The following TRPM3 variants were observed in gnomAD, a reference collection of about 807,000 sequenced individuals.
TRPM3 encodes the protein transient receptor potential cation channel subfamily M member 3, also known as long transient receptor potential channel 3.
A neutral mutation model predicts 181.2 loss-of-function variants in TRPM3; 77 were observed. The ratio of observed to expected loss-of-function variants is 0.42; its 90% CI spans 0.35 to 0.51. TRPM3 has a LOEUF of 0.51. Ranked by LOEUF, TRPM3 falls within the 20% of genes least tolerant of loss-of-function variation. The probability of loss-of-function intolerance (pLI) is 0.01; values close to 1 mark genes in which losing one functional copy is unlikely to be tolerated. For synonymous variants in TRPM3, 745 were observed against 796.4 expected (o/e 0.94, Z 1.09); for missense variants, 1,759 against 2,196.7 (o/e 0.80, Z 3.98).
intron 1 of TRPM3, among the ~76,000 whole-genome samples, chr9:71,410,403 C>A (rs2131445993): frequency 6.6e-6 from 1 of 152,116 alleles, no homozygotes; most frequent in East Asian, 1.9e-4. Flanking sequence ...CAAATAGACA[C>A]AATAAAAAAT....
intron 1 of TRPM3, among the ~76,000 whole-genome samples, chr9:71,015,829 T>C (rs2097779769): frequency 6.6e-6 from 1 of 152,164 alleles, no homozygotes; most frequent in Non-Finnish European, 1.5e-5. Flanking sequence ...TGTGTCACAC[T>C]GAGGATCAGG....
At chr9:70,790,351 T>A (rs185980888) in intron 6 of TRPM3, among the ~76,000 whole-genome samples, 7 of 152,312 alleles carry the variant, frequency 4.6e-5, no homozygotes, top group East Asian at 3.9e-4. Context: ...AAGTGAGAGA[T>A]AACTTCCTGA....
chr9:71,035,627 G>A (rs1472437847), intron 1 of TRPM3, among the ~76,000 whole-genome samples: 1 of 152,154 alleles, frequency 6.6e-6, no homozygotes, highest in South Asian at 2.1e-4. Context: ...TGAGGCATGA[G>A]AATCTCTTGA....
chr9:71,273,200 A>G (rs1171484423), intron 1 of TRPM3, among the ~76,000 whole-genome samples: 1 of 152,180 alleles, frequency 6.6e-6, no homozygotes, highest in African/African-American at 2.4e-5. Flanking sequence ...ACCATTTGGC[A>G]TGACCAGAAT....
rs2041724443 is a variant in TRPM3 at position 70,536,281 on chromosome 9, T to A, written c.4832A>T (p.Glu1611Val). 1 of 1,614,068 alleles carries A rather than the reference T, an allele frequency of 6.2e-7. No individual in the cohort carries two copies. ...ELSHPSSDSE[E>V]NEAKGRRATI... ...GGCTCTGCGGCCTTTGGCCTCATTC[T>A]CCTCACTGTCAGAGCTGGGGTGACT... is the stretch of plus-strand genomic sequence containing the variant. The change falls in exon 26 of 26, where the codon GAG (glutamate) becomes GTG (valine). Residue 1611 changes from glutamate to valine, a missense_variant. Glu to Val is a moderately radical substitution (Grantham distance 121). This residue lies in a region of TRPM3 where 612 missense variants were observed against 590.0 expected (regional missense o/e 1.04). Coordinates refer to ENST00000677713, the MANE Select transcript of TRPM3 (RefSeq NM_001366145.2).
At chr9:71,160,964 T>A (rs1011671215) in intron 1 of TRPM3, among the ~76,000 whole-genome samples, 1 of 152,162 alleles carries the variant, frequency 6.6e-6, no homozygotes, top group African/African-American at 2.4e-5. Flanking sequence ...CCCAATTCAA[T>A]GTAAATCAAT....
chr9:71,102,915 G>A (rs549630158), intron 1 of TRPM3, among the ~76,000 whole-genome samples: 4 of 152,154 alleles, frequency 2.6e-5, no homozygotes, highest in African/African-American at 9.6e-5. Context: ...GGATTGAATT[G>A]ATTTCTAGTT....
chr9:70,846,263 C>G, intron 4 of TRPM3, 115 bp downstream of exon 4: 1 of 950,066 alleles, frequency 1.1e-6, no homozygotes, highest in Non-Finnish European at 1.7e-6. Flanking sequence ...AACTATGGAC[C>G]CATGGGTAGG....
intron 1 of TRPM3, among the ~76,000 whole-genome samples, chr9:70,878,636 G>C (rs1176545654): frequency 6.6e-6 from 1 of 152,026 alleles, no homozygotes; most frequent in Non-Finnish European, 1.5e-5. Context: ...TATGCACATG[G>C]ATTTTGTGGC....
chr9:71,386,417 C>A (rs912019741), intron 1 of TRPM3, among the ~76,000 whole-genome samples: 14 of 151,196 alleles, frequency 9.3e-5, no homozygotes, highest in African/African-American at 3.2e-4. Flanking sequence ...CTACTGCACT[C>A]CAGCCTGGGG....
intron 1 of TRPM3, among the ~76,000 whole-genome samples, chr9:71,013,910 A>C (rs1564973718): frequency 6.6e-6 from 1 of 151,556 alleles, no homozygotes; most frequent in Non-Finnish European, 1.5e-5. Flanking sequence ...CTACTGTTCT[A>C]TTTTCTGCCA....
At chr9:71,292,963 T>C (rs985221846) in intron 1 of TRPM3, among the ~76,000 whole-genome samples, 4 of 152,086 alleles carry the variant, frequency 2.6e-5, no homozygotes, top group East Asian at 1.9e-4. Flanking sequence ...CGAAATTGTG[T>C]TTATCTCAAG....
intron 1 of TRPM3, among the ~76,000 whole-genome samples, chr9:71,442,892 T>TAA (rs1437864850): frequency 6.6e-6 from 1 of 152,132 alleles, no homozygotes; most frequent in African/African-American, 2.4e-5. Context: ...ACAAGAACAA[T>TAA]AATTCACAAA....
chr9:71,093,762 A>G (rs1204121240), intron 1 of TRPM3, among the ~76,000 whole-genome samples: 2 of 152,174 alleles, frequency 1.3e-5, no homozygotes, highest in African/African-American at 2.4e-5. Context: ...ATTATAAATC[A>G]TTCTACTATG....
intron 9 of TRPM3, among the ~76,000 whole-genome samples, chr9:70,662,826 G>A (rs2061319077): frequency 6.6e-6 from 1 of 152,122 alleles, no homozygotes; most frequent in African/African-American, 2.4e-5. Flanking sequence ...ACAGAAAACA[G>A]TATGTGGATT....
At chr9:70,915,027 C>A (rs1038747923) in intron 1 of TRPM3, among the ~76,000 whole-genome samples, 1 of 152,186 alleles carries the variant, frequency 6.6e-6, no homozygotes, top group African/African-American at 2.4e-5. Flanking sequence ...TAAATACCTA[C>A]CTCTTCAATG....
intron 1 of TRPM3, among the ~76,000 whole-genome samples, chr9:71,272,178 T>C (rs899776536): frequency 1.3e-5 from 2 of 152,168 alleles, no homozygotes; most frequent in African/African-American, 4.8e-5. Flanking sequence ...AAGAAAAGTG[T>C]CGTATTTTTT....
chr9:70,679,717 T>G (rs1483405352), intron 9 of TRPM3, among the ~76,000 whole-genome samples: 3 of 152,208 alleles, frequency 2.0e-5, no homozygotes, highest in Admixed American at 2.0e-4. Context: ...AATTGAACTA[T>G]TGTAAAGAAT....
intron 1 of TRPM3, among the ~76,000 whole-genome samples, chr9:70,921,370 G>T (rs961260924): frequency 3.8e-4 from 58 of 152,272 alleles, no homozygotes; most frequent in Admixed American, 1.3e-3. Flanking sequence ...ATACCTAATT[G>T]CTTACTCACT....
Sources: allele counts gnomAD v4.1 joint callset (sites outside exome capture counted in the v4.1 genomes callset), GRCh38; gene constraint gnomAD v4.1.1; regional missense constraint gnomAD v4.1.1; transcripts MANE v1.5; gene names NCBI Gene and HGNC (gene_info 2026-07-23, HGNC 2026-07-21).